The following CACNA1E variants were observed in gnomAD, a reference collection of about 807,000 sequenced individuals.
CACNA1E encodes the protein voltage-dependent R-type calcium channel subunit alpha-1E.
A neutral mutation model predicts 259.2 loss-of-function variants in CACNA1E; 40 were observed. That is an observed-to-expected ratio of 0.15 (90% confidence interval 0.12 to 0.20). The LOEUF is 0.20. Among genes scored for constraint, CACNA1E ranks in the 10% least tolerant of loss-of-function variants. The probability of loss-of-function intolerance (pLI) is 1.00; values close to 1 mark genes in which losing one functional copy is unlikely to be tolerated. For synonymous variants in CACNA1E, 1,104 were observed against 1,138.5 expected (o/e 0.97, Z 0.61); for missense variants, 1,874 against 3,040.1 (o/e 0.62, Z 9.02).
intron 6 of CACNA1E, among the ~76,000 whole-genome samples, chr1:181,598,497 G>A (rs560232198): frequency 4.6e-5 from 7 of 152,154 alleles, no homozygotes; most frequent in East Asian, 3.8e-4. Flanking sequence ...TTTGTGTGCC[G>A]TGTTGAGGAA....
chr1:181,438,535 A>G (rs1660235376), intron 2 of CACNA1E, among the ~76,000 whole-genome samples: 1 of 152,206 alleles, frequency 6.6e-6, no homozygotes. Context: ...TTAAATCATC[A>G]GGTGGGGAGT....
chr1:181,440,568 G>A lies in CACNA1E; in HGVS notation c.434+26988G>A, dbSNP rs538172442. Among the ~76,000 whole-genome samples the A allele has an allele frequency of 1.1e-3, 174 of 152,218 alleles. 1 individual carries two copies. The highest frequency in any genetic ancestry group is 9.1e-4 in the Non-Finnish European group (62 of 68,012). ...TGCAGGGTAGGCAGAGGCAGAAAGG[G>A]TTGATGTTGATTACTGAAAAAGTTG... On this transcript the variant is annotated intron_variant, in intron 2 of 11. Coordinates refer to the CACNA1E transcript ENST00000524607.
At chr1:181,604,332 G>C (rs1654028950) in intron 6 of CACNA1E, among the ~76,000 whole-genome samples, 1 of 152,100 alleles carries the variant, frequency 6.6e-6, no homozygotes, top group Non-Finnish European at 1.5e-5. Flanking sequence ...TAGATATCCG[G>C]GTTCAATATA....
At chr1:181,398,091 G>C (rs1323076511) in intron 1 of CACNA1E, among the ~76,000 whole-genome samples, 1 of 152,224 alleles carries the variant, frequency 6.6e-6, no homozygotes, top group Non-Finnish European at 1.5e-5. Context: ...CTCTGCTGTT[G>C]CTTCAACCTC....
At chr1:181,739,593 T>A (rs561773913) in intron 25 of CACNA1E, among the ~76,000 whole-genome samples, 116 of 152,214 alleles carry the variant, frequency 7.6e-4, no homozygotes, top group African/African-American at 2.5e-3. Flanking sequence ...AGGAACAGCT[T>A]ATGGGCCCTT....
rs138184858 is a variant in CACNA1E at position 181,324,405 on chromosome 1, G to A, written c.-15+6282G>A. ...AGATCAGAATGATAAAAATGAAATA[G>A]GATCTATATCACAGATTCTCTATGG... On this transcript the variant is annotated intron_variant, in intron 1 of 11. Transcript: ENST00000524607. Among the ~76,000 whole-genome samples, 56 of 152,284 alleles carry A rather than the reference G, an allele frequency of 3.7e-4. No homozygotes were observed. The East Asian group carries it at 0.01, about 28-fold the overall frequency.
At chr1:181,595,269 G>A (rs1653046081) in intron 6 of CACNA1E, among the ~76,000 whole-genome samples, 1 of 152,090 alleles carries the variant, frequency 6.6e-6, no homozygotes, top group African/African-American at 2.4e-5. Context: ...AATGATCAAG[G>A]CGTGTCCCCC....
intron 6 of CACNA1E, among the ~76,000 whole-genome samples, chr1:181,620,853 A>G (rs753058132): frequency 1.3e-5 from 2 of 152,174 alleles, no homozygotes; most frequent in Admixed American, 6.5e-5. Flanking sequence ...GAGTGGGAAG[A>G]CTTAAATAAG....
At chr1:181,755,585 A>G (rs1658020534) in intron 28 of CACNA1E, among the ~76,000 whole-genome samples, 188 bp downstream of exon 28, 1 of 152,220 alleles carries the variant, frequency 6.6e-6, no homozygotes, top group Admixed American at 6.5e-5. Flanking sequence ...CGAAAACTTG[A>G]GTGTAAAATA....
At chr1:181,722,901 A>C (rs1318991286) in intron 16 of CACNA1E, among the ~76,000 whole-genome samples, 2 of 152,206 alleles carry the variant, frequency 1.3e-5, no homozygotes, top group Non-Finnish European at 2.9e-5. Context: ...ACTAGGCAGT[A>C]AGTCACAGAC....
intron 1 of CACNA1E, among the ~76,000 whole-genome samples, chr1:181,404,282 T>C (rs1487256672): frequency 1.3e-5 from 2 of 152,198 alleles, no homozygotes; most frequent in African/African-American, 4.8e-5. Flanking sequence ...GCACTTTCAA[T>C]TGGATTGTAA....
rs2102461880 is a variant in CACNA1E at position 181,717,264 on chromosome 1, T to A, written c.1487T>A (p.Val496Asp). Residue 496 changes from valine (V) to aspartate (D), a missense_variant, in exon 11 of 48, where the codon GTC becomes GAC. By Grantham distance (152) the Val-to-Asp change is radical (BLOSUM62 -3). Around this residue, in one of 14 missense-constraint regions of CACNA1E, gnomAD observed 157 missense variants for 203.5 expected, o/e 0.77. Transcript: ENST00000367573. ...VALNTACVAI[V>D]HHNQPQWLTH... ...CTCAACACTGCCTGTGTGGCCATTG[T>A]CCATCACAACCAGCCCCAGTGGCTC... 6.2e-7 allele frequency: 1 copy of A among 1,613,930 alleles called. No homozygotes were observed. The highest frequency in any genetic ancestry group is 1.7e-5 in the Admixed American group (1 of 60,026).
At chr1:181,784,841 C>A in intron 41 of CACNA1E, 73 bp downstream of exon 41, 1 of 860,058 alleles carries the variant, frequency 1.2e-6, no homozygotes, top group Non-Finnish European at 1.9e-6. Context: ...GGGGGGAACC[C>A]AGAGTGATCA....
rs1467466851 is a variant in CACNA1E, at chr1:181,802,395, C to T, written c.*3561C>T. 1 of 152,216 alleles carries T rather than the reference C, an allele frequency of 6.6e-6. No individual in the cohort carries two copies. Among genetic ancestry groups the T allele is most frequent in the Admixed American group, 6.5e-5 (1 of 15,286 alleles). 9.4% of individuals were successfully genotyped at this position (152,216 alleles called of 1,614,324 possible). ...ACAAAGAGAAGGCCCCATAATCCAC[C>T]TCTCAGCCAGTATCTCCCTTCTTTG... On this transcript the variant is annotated 3_prime_UTR_variant, in exon 48 of 48. Transcript: ENST00000367573.
rs1489771530 is a variant in CACNA1E, at chr1:181,801,976, A to C, written c.*3142A>C. The C allele has an allele frequency of 2.6e-5, 4 of 151,188 alleles. No individual in the cohort carries two copies. Among genetic ancestry groups the C allele is most frequent in the Non-Finnish European group, 4.4e-5 (3 of 67,568 alleles). 9.4% of individuals were successfully genotyped at this position (151,188 alleles called of 1,614,324 possible). A position where few individuals can be genotyped will look rare whatever the true frequency, so the allele number is the denominator to read the frequency against. ...GTAGGTTTGCATTTAGTTACCCCTC[A>C]TTTCACTTAAGGCTCCAGACAGACT... On this transcript the variant is annotated 3_prime_UTR_variant, in exon 48 of 48. Transcript: ENST00000367573.
At chr1:181,403,396 G>A (rs546882033) in intron 1 of CACNA1E, among the ~76,000 whole-genome samples, 2 of 151,682 alleles carry the variant, frequency 1.3e-5, no homozygotes, top group South Asian at 2.1e-4. Context: ...TTGCAGAAAG[G>A]CCTTTTACAT....
intron 7 of CACNA1E, among the ~76,000 whole-genome samples, chr1:181,680,358 A>G (rs1649828820): frequency 6.6e-6 from 1 of 152,102 alleles, no homozygotes; most frequent in Non-Finnish European, 1.5e-5. Context: ...GCTATGATGC[A>G]TGAGCCTCCA....
chr1:181,616,588 C>A (rs1429122596), intron 6 of CACNA1E, among the ~76,000 whole-genome samples: 1 of 152,088 alleles, frequency 6.6e-6, no homozygotes, highest in African/African-American at 2.4e-5. Flanking sequence ...GTGGTGCACA[C>A]CCGTAGTCCC....
In CACNA1E at chr1:181,803,543, A is replaced by AAAT. The variant is rs1662426443; in HGVS notation, c.*4711_*4713dup. Reference sequence around the variant, plus strand: ...TGTACATCATAGCCAGGTCTACCCCAAATAGAGCAGCAGCTGATGGCTTCT... The same window carrying AAAT: ...TGTACATCATAGCCAGGTCTACCCCAAATAATAGAGCAGCAGCTGATGGCTTCT... On this transcript the variant is annotated 3_prime_UTR_variant, in exon 48 of 48. Coordinates refer to ENST00000367573, the MANE Select transcript of CACNA1E (RefSeq NM_001205293.3). 1 of 152,154 alleles carries AAAT rather than the reference A, an allele frequency of 6.6e-6. No homozygotes were observed. Among genetic ancestry groups the AAAT allele is most frequent in the African/African-American group, 2.4e-5 (1 of 41,416 alleles). The allele number at this position is 152,154 out of a possible 1,614,324, so 9.4% of individuals were successfully genotyped here. A position where few individuals can be genotyped will look rare whatever the true frequency, so the allele number is the denominator to read the frequency against.
Sources: gnomAD v4.1 joint callset for allele counts (sites outside exome capture counted in the v4.1 genomes callset) on GRCh38, gnomAD v4.1.1 for gene constraint, gnomAD v4.1.1 regional missense constraint, MANE v1.5 for transcripts, NCBI Gene and HGNC (gene_info 2026-07-23, HGNC 2026-07-21) for gene names.